The following CLPB variants were observed in gnomAD, a reference collection of about 807,000 sequenced individuals.
The protein encoded by CLPB is ClpB family mitochondrial disaggregase.
In CLPB, 40 loss-of-function variants were observed where a neutral mutation model predicts 78.4. The ratio of observed to expected loss-of-function variants is 0.51; its 90% confidence interval spans 0.40 to 0.66. The LOEUF (loss-of-function observed/expected upper bound fraction) is 0.66, where lower values mean the gene tolerates loss of function less well. CLPB is among the 30% of genes least tolerant of loss of function. CLPB has a pLI of 0.00. For missense variants in CLPB, 780 were observed against 886.9 expected, an observed-to-expected ratio of 0.88 and a Z score of 1.53; for synonymous variants, 333 against 348.0, an observed-to-expected ratio of 0.96 and a Z score of 0.48.
intron 11 of CLPB, among the ~76,000 whole-genome samples, chr11:72,298,775 G>A (rs1166205496): frequency 6.6e-6 from 1 of 152,198 alleles, no homozygotes; most frequent in African/African-American, 2.4e-5. Context: ...TGGGATTACA[G>A]GTGTGACCCA....
chr11:72,332,155 C>T (rs1950238684), intron 5 of CLPB, among the ~76,000 whole-genome samples: 1 of 151,834 alleles, frequency 6.6e-6, no homozygotes, highest in African/African-American at 2.4e-5. Flanking sequence ...TATTAAGATA[C>T]AATTCACACA....
In CLPB at chr11:72,431,861, C is replaced by A. The variant is rs1187806204; in HGVS notation, c.404-1498G>T. On this transcript the variant is annotated intron_variant, in intron 1 of 15. Coordinates refer to ENST00000538039, the MANE Select transcript of CLPB (RefSeq NM_001258392.3). Reference sequence around the variant, plus strand: ...GACAGGGTAGCTGGCAAGTCAGTTCCAGCAGGAACTGGTCACGGCTTTGAC... The same window carrying A: ...GACAGGGTAGCTGGCAAGTCAGTTCAAGCAGGAACTGGTCACGGCTTTGAC... Among the ~76,000 whole-genome samples, 3 of 152,174 alleles carry A rather than the reference C, an allele frequency of 2.0e-5. No individual in the cohort carries two copies. In the East Asian group the frequency reaches 5.8e-4, roughly 29 times the overall value.
chr11:72,390,923 G>T (rs553679129), intron 3 of CLPB, among the ~76,000 whole-genome samples: 1 of 152,168 alleles, frequency 6.6e-6, no homozygotes, highest in African/African-American at 2.4e-5. Flanking sequence ...GTCCACCACT[G>T]GGGGGACAGA....
rs1949401899 is a variant in CLPB at position 72,287,280 on chromosome 11, C to T, written c.*6087G>A. Reference sequence around the variant, plus strand: ...CATACTTGTGATTTGTACAATTTCCCATATATTTTTCAATTAAAAAGTTTA... The same window carrying T: ...CATACTTGTGATTTGTACAATTTCCTATATATTTTTCAATTAAAAAGTTTA... On this transcript the variant is annotated 3_prime_UTR_variant, in exon 16 of 16. Transcript: ENST00000538039. 6.6e-6 allele frequency: 1 copy of T among 152,110 alleles called. No homozygotes were observed. The highest frequency in any genetic ancestry group is 2.4e-5 in the African/African-American group (1 of 41,414). The allele number at this position is 152,110 out of a possible 1,614,324, so 9.4% of individuals were successfully genotyped here.
chr11:72,425,237 A>C (rs1856338145), intron 2 of CLPB, among the ~76,000 whole-genome samples: 1 of 152,168 alleles, frequency 6.6e-6, no homozygotes, highest in Admixed American at 6.5e-5. Context: ...ACAGTTGCAT[A>C]ATTAGTTATC....
At chr11:72,380,481 C>T (rs1400966038) in intron 3 of CLPB, 97 bp from the exon 4 acceptor site, 1 of 893,624 alleles carries the variant, frequency 1.1e-6, no homozygotes, top group Non-Finnish European at 1.8e-6. Flanking sequence ...GGAGCTGTCT[C>T]TGCTCATGTG....
intron 3 of CLPB, among the ~76,000 whole-genome samples, chr11:72,392,356 GTGGCTCATTCAGTAACC>G (rs1469249299): frequency 6.6e-6 from 1 of 152,120 alleles, no homozygotes; most frequent in Non-Finnish European, 1.5e-5. Context: ...CAAATGAGTT[GTGGCTCATTCAGTAACC>G]TGGTCTCTGG....
intron 2 of CLPB, among the ~76,000 whole-genome samples, chr11:72,419,489 C>G (rs1856125537): frequency 1.3e-5 from 2 of 152,224 alleles, no homozygotes; most frequent in South Asian, 4.1e-4. Context: ...CCCCTCTCAA[C>G]CCATCTCAGC....
At position 72,434,259 on chromosome 11, in the gene CLPB, C is replaced by A. The variant is rs753016437; in HGVS notation, c.216G>T (p.Gly72=). ...TGGTATCGAAGCGTCCTCCCTGGCG[C>A]CCCCCGGTGGCTGCCCCACGTCCGG... The part of the protein sequence containing the change: ...LFSGRGAATG[G]RQGGRFDTKC... The change falls in exon 1 of 16, where the codon GGG becomes GGT. Residue 72 remains glycine (G), a synonymous_variant. Transcript: ENST00000538039. The A allele has an allele frequency of 2.5e-6, 4 of 1,612,776 alleles. No individual in the cohort carries two copies. Among genetic ancestry groups the A allele is most frequent in the South Asian group, 1.1e-5 (1 of 91,036 alleles).
At chr11:72,385,165 T>A (rs1324526795) in intron 3 of CLPB, among the ~76,000 whole-genome samples, 1 of 152,108 alleles carries the variant, frequency 6.6e-6, no homozygotes, top group African/African-American at 2.4e-5. Context: ...ATTCCAAGAG[T>A]AACTACTGTT....
At chr11:72,336,032 GGAGA>G (rs1167607432) in intron 5 of CLPB, among the ~76,000 whole-genome samples, 2 of 152,004 alleles carry the variant, frequency 1.3e-5, no homozygotes, top group Non-Finnish European at 2.9e-5. Context: ...AGAAGTGGTT[GGAGA>G]GAGAGGCCCA....
chr11:72,324,193 C>T (rs1950093470), intron 6 of CLPB, among the ~76,000 whole-genome samples: 1 of 151,974 alleles, frequency 6.6e-6, no homozygotes, highest in African/African-American at 2.4e-5. Flanking sequence ...TAAGGTGTGT[C>T]TTGTATGTGA....
At chr11:72,320,139 A>G (rs536569151) in intron 6 of CLPB, among the ~76,000 whole-genome samples, 3 of 145,732 alleles carry the variant, frequency 2.1e-5, no homozygotes, top group Non-Finnish European at 2.9e-5. Context: ...TACGTGATAG[A>G]GAATTCCACC....
chr11:72,303,013 G>A (rs1251424527), intron 9 of CLPB: 4 of 152,348 alleles, frequency 2.6e-5, no homozygotes, highest in Admixed American at 6.5e-5. Flanking sequence ...GGTGATTTCC[G>A]AGGAAGTGGC....
At position 72,294,047 on chromosome 11, in the gene CLPB, T is replaced by C. The variant is rs786205138; in HGVS notation, c.1760A>G (p.Tyr587Cys). The C allele has an allele frequency of 2.5e-6, 4 of 1,613,882 alleles. No individual in the cohort carries two copies. Among genetic ancestry groups the C allele is most frequent in the African/African-American group, 1.3e-5 (1 of 74,914 alleles). The change falls in exon 15 of 16, where the codon TAT becomes TGT. Residue 587 changes from tyrosine (Y) to cysteine (C), a missense_variant. By Grantham distance (194) the Tyr-to-Cys change is radical (BLOSUM62 -2). Transcript: ENST00000538039. ...CTCATGTTTGATGGAGCGGGCGCCA[T>C]AGTGCACATTGTAGCCGTCGACCAG... is the stretch of plus-strand genomic sequence containing the variant. ...DVLVDGYNVH[Y>C]GARSIKHEVE... is the part of the protein sequence containing the mutation.
At chr11:72,363,941 A>G (rs2135630995) in intron 4 of CLPB, among the ~76,000 whole-genome samples, 1 of 152,346 alleles carries the variant, frequency 6.6e-6, no homozygotes, top group South Asian at 2.1e-4. Flanking sequence ...TGAAGACTCT[A>G]TACAAATTAA....
intron 2 of CLPB, chr11:72,408,064 A>G (rs1855761492): frequency 7.3e-7 from 1 of 1,362,492 alleles, no homozygotes; most frequent in Non-Finnish European, 1.0e-6. Context: ...TTTAGGAGGC[A>G]GCACCGAAAT....
At chr11:72,301,742 G>A in intron 11 of CLPB, 61 bp downstream of exon 11, 2 of 1,558,296 alleles carry the variant, frequency 1.3e-6, no homozygotes, top group South Asian at 1.2e-5. Flanking sequence ...GCTTTCTGCT[G>A]TTCACAGTCC....
chr11:72,295,794 G>A, intron 11 of CLPB, 146 bp from the exon 12 acceptor site: 1 of 753,400 alleles, frequency 1.3e-6, no homozygotes, highest in Non-Finnish European at 2.2e-6. Flanking sequence ...TCCTCCTCTG[G>A]GTTCTCCGAG....
Sources: allele counts gnomAD v4.1 joint callset (sites outside exome capture counted in the v4.1 genomes callset), GRCh38; gene constraint gnomAD v4.1.1; transcripts MANE v1.5; gene names NCBI Gene and HGNC (gene_info 2026-07-23, HGNC 2026-07-21).